Variants in FAF1 observed in about 807,000 individuals in gnomAD.
FAF1 encodes Fas associated factor 1, also known as FAS-associated factor 1.
Under a neutral mutation model 92.5 loss-of-function variants are expected in FAF1, and 25 were observed. That is an observed-to-expected ratio of 0.27 (90% CI 0.20 to 0.38). FAF1 has a LOEUF of 0.38. Ranked by LOEUF, FAF1 falls within the 10% of genes least tolerant of loss-of-function variation. FAF1 has a pLI of 1.00. For missense variants in FAF1, 636 were observed against 793.3 expected, an observed-to-expected ratio of 0.80 and a Z score of 2.38; for synonymous variants, 234 against 273.2, an observed-to-expected ratio of 0.86 and a Z score of 1.42.
At chr1:50,759,306 C>A (rs1231964413) in intron 4 of FAF1, among the ~76,000 whole-genome samples, 1 of 126,834 alleles carries the variant, frequency 7.9e-6, no homozygotes, top group Non-Finnish European at 1.6e-5. Context: ...CCCCCTCCCC[C>A]CCACCCCACA....
At chr1:50,578,235 T>C (rs1650842232) in intron 12 of FAF1, among the ~76,000 whole-genome samples, 1 of 152,220 alleles carries the variant, frequency 6.6e-6, no homozygotes, top group South Asian at 2.1e-4. Context: ...GAGGCTCATC[T>C]GTTGCCCTGG....
intron 1 of FAF1, among the ~76,000 whole-genome samples, chr1:50,882,120 T>C (rs1644617039): frequency 6.6e-6 from 1 of 152,118 alleles, no homozygotes; most frequent in Non-Finnish European, 1.5e-5. Flanking sequence ...ACATAAAATA[T>C]ATAATACACA....
rs565793908 is a variant in FAF1 at position 50,680,470 on chromosome 1, G to A, written c.658-24942C>T. Among the ~76,000 whole-genome samples, 5 of 152,234 alleles carry A rather than the reference G, an allele frequency of 3.3e-5. No individual in the cohort carries two copies. The East Asian group carries it at 9.6e-4, about 29-fold the overall frequency. On this transcript the variant is annotated intron_variant, in intron 7 of 18. Transcript: ENST00000396153. ...GGCCGAGGCAGGCAGATCACCTGAG[G>A]TCAGGAGTTTGAGACCAGCCTGGCC...
intron 8 of FAF1, among the ~76,000 whole-genome samples, chr1:50,627,866 GAACAGTGAAGACT>G (rs1240977811): frequency 6.6e-6 from 1 of 151,976 alleles, no homozygotes. Context: ...AAGAAGTCAA[GAACAGTGAAGACT>G]GAAAGTCTAC....
chr1:50,746,245 A>AATAT (rs1557506291), intron 4 of FAF1, among the ~76,000 whole-genome samples: 8 of 71,520 alleles, frequency 1.1e-4, no homozygotes, highest in Non-Finnish European at 2.0e-4. Context: ...ACCTGAAACG[A>AATAT]ACATATATAT....
intron 4 of FAF1, among the ~76,000 whole-genome samples, chr1:50,755,737 G>C (rs777552944): frequency 2.9e-4 from 44 of 152,192 alleles, no homozygotes; most frequent in African/African-American, 9.9e-4. Context: ...TGAAATATAG[G>C]CAGAGGTTCC....
chr1:50,592,344 G>A (rs2124065220), intron 9 of FAF1, among the ~76,000 whole-genome samples: 1 of 152,046 alleles, frequency 6.6e-6, no homozygotes, highest in South Asian at 2.1e-4. Context: ...AATTCCCAAG[G>A]AGCCAGGGTC....
At chr1:50,524,395 C>G (rs1647680423) in intron 15 of FAF1, among the ~76,000 whole-genome samples, 1 of 152,202 alleles carries the variant, frequency 6.6e-6, no homozygotes, top group Admixed American at 6.5e-5. Flanking sequence ...TTAATTAGAT[C>G]CCATTTGTCA....
chr1:50,547,532 A>G (rs762309378), intron 13 of FAF1, among the ~76,000 whole-genome samples: 26 of 151,936 alleles, frequency 1.7e-4, no homozygotes, highest in Non-Finnish European at 3.8e-4. Flanking sequence ...CTCCTGCCTC[A>G]GCCTCCTGAG....
At chr1:50,493,463 C>A (rs968460248) in intron 15 of FAF1, among the ~76,000 whole-genome samples, 1 of 152,196 alleles carries the variant, frequency 6.6e-6, no homozygotes, top group African/African-American at 2.4e-5. Context: ...GGGGGAAATG[C>A]ACAAGATGTT....
chr1:50,627,206 G>T (rs763723042), intron 8 of FAF1, among the ~76,000 whole-genome samples: 1 of 152,102 alleles, frequency 6.6e-6, no homozygotes, highest in African/African-American at 2.4e-5. Context: ...ATATGATAAA[G>T]AATACCTAGG....
intron 6 of FAF1, chr1:50,706,181 G>A (rs940768077): frequency 3.8e-6 from 1 of 265,410 alleles, no homozygotes; most frequent in African/African-American, 2.2e-5. Flanking sequence ...ATCTGCATAC[G>A]TATCTCCTCC....
chr1:50,555,945 T>C (rs569931902), intron 13 of FAF1, among the ~76,000 whole-genome samples: 88 of 152,012 alleles, frequency 5.8e-4, no homozygotes, highest in African/African-American at 2.0e-3. Context: ...TATATATACA[T>C]GGTGTATATA....
At chr1:50,655,399 A>T (rs983939318) in intron 8 of FAF1, 43 bp downstream of exon 8, 3 of 1,267,564 alleles carry the variant, frequency 2.4e-6, no homozygotes, top group Non-Finnish European at 3.5e-6. Flanking sequence ...AAGTGGCAAA[A>T]GAGAAAGGAG....
At chr1:50,862,220 G>C (rs1644440880) in intron 1 of FAF1, among the ~76,000 whole-genome samples, 1 of 151,714 alleles carries the variant, frequency 6.6e-6, no homozygotes, top group African/African-American at 2.4e-5. Context: ...CAAAGTATGT[G>C]GCCCATTCAA....
intron 13 of FAF1, among the ~76,000 whole-genome samples, chr1:50,562,995 T>C (rs541859023): frequency 1.3e-5 from 2 of 152,318 alleles, no homozygotes; most frequent in African/African-American, 4.8e-5. Context: ...ACTATTTACA[T>C]AGCACTTACA....
intron 6 of FAF1, among the ~76,000 whole-genome samples, chr1:50,736,454 T>C (rs1404464610): frequency 6.6e-6 from 1 of 152,122 alleles, no homozygotes; most frequent in Non-Finnish European, 1.5e-5. Flanking sequence ...TATTATATAG[T>C]TAAGATGTAA....
At chr1:50,645,174 A>G (rs1654526391) in intron 8 of FAF1, among the ~76,000 whole-genome samples, 2 of 152,318 alleles carry the variant, frequency 1.3e-5, no homozygotes, top group East Asian at 1.9e-4. Context: ...AACATTATCC[A>G]TGACCTTCCC....
chr1:50,801,013 A>T (rs527672469), intron 3 of FAF1, among the ~76,000 whole-genome samples: 29 of 152,240 alleles, frequency 1.9e-4, no homozygotes, highest in Non-Finnish European at 3.5e-4. Context: ...AAAGTTATGA[A>T]TTTATTTTTA....
Sources: gnomAD v4.1 joint callset for allele counts (sites outside exome capture counted in the v4.1 genomes callset) on GRCh38, gnomAD v4.1.1 for gene constraint, MANE v1.5 for transcripts, NCBI Gene and HGNC (gene_info 2026-07-23, HGNC 2026-07-21) for gene names.